Variants in MSRA observed in about 807,000 individuals in gnomAD.
MSRA encodes the protein methionine sulfoxide reductase A, also known as mitochondrial peptide methionine sulfoxide reductase.
Under a neutral mutation model 31.3 loss-of-function variants are expected in MSRA, and 54 were observed. The observed-to-expected ratio is 1.73, with a 90% CI of 1.39 to 2.17. The LOEUF (loss-of-function observed/expected upper bound fraction) is 2.17, where lower values mean the gene tolerates loss of function less well. Among genes scored for constraint, MSRA ranks in the 30% most tolerant of loss-of-function variants. The probability of loss-of-function intolerance (pLI) is 0.00; values close to 1 mark genes in which losing one functional copy is unlikely to be tolerated. For synonymous variants in MSRA, 169 were observed against 116.5 expected, an observed-to-expected ratio of 1.45 and a Z score of -2.90; for missense variants, 507 against 300.9, an observed-to-expected ratio of 1.69 and a Z score of -5.07.
intron 1 of MSRA, among the ~76,000 whole-genome samples, chr8:10,090,824 C>T (rs1225431301): frequency 2.0e-5 from 3 of 152,178 alleles, no homozygotes; most frequent in Admixed American, 6.5e-5. Context: ...ATTTAGCATA[C>T]TTTTTTCAAA....
chr8:10,288,601 A>C (rs984000316), intron 3 of MSRA, among the ~76,000 whole-genome samples: 10 of 152,202 alleles, frequency 6.6e-5, no homozygotes, highest in Non-Finnish European at 1.2e-4. Context: ...AGGCAAGGCC[A>C]AGACTTTCCT....
chr8:10,211,848 C>A (rs1206715871), intron 2 of MSRA, among the ~76,000 whole-genome samples: 1 of 152,094 alleles, frequency 6.6e-6, no homozygotes, highest in African/African-American at 2.4e-5. Context: ...CCAGCCTCTG[C>A]AGAAGTGCTT....
chr8:10,197,675 C>T (rs998461684), intron 1 of MSRA, among the ~76,000 whole-genome samples: 1 of 152,140 alleles, frequency 6.6e-6, no homozygotes, highest in Non-Finnish European at 1.5e-5. Flanking sequence ...GGTCTCTCTG[C>T]CAACGTCCAT....
chr8:10,365,579 T>TCCCCCA (rs1333702174), intron 5 of MSRA, among the ~76,000 whole-genome samples: 1 of 152,228 alleles, frequency 6.6e-6, no homozygotes, highest in African/African-American at 2.4e-5. Context: ...TACCTGATTC[T>TCCCCCA]CCCCCAAAAT....
intron 5 of MSRA, among the ~76,000 whole-genome samples, chr8:10,413,819 G>A (rs1219608863): frequency 4.6e-5 from 7 of 152,126 alleles, no homozygotes; most frequent in Admixed American, 3.3e-4. Flanking sequence ...GGGGAAAAAC[G>A]GTGATGGTTA....
At chr8:10,077,278 C>T (rs1251306236) in intron 1 of MSRA, among the ~76,000 whole-genome samples, 2 of 152,000 alleles carry the variant, frequency 1.3e-5, no homozygotes, top group African/African-American at 4.8e-5. Flanking sequence ...AGTGTGGAGA[C>T]CTGCAGATCC....
intron 2 of MSRA, among the ~76,000 whole-genome samples, chr8:10,219,775 C>G (rs938179723): frequency 5.1e-5 from 6 of 118,572 alleles, no homozygotes; most frequent in Non-Finnish European, 9.4e-5. Flanking sequence ...CACTGCACTT[C>G]AGCCTGGACG....
chr8:10,058,732 C>G (rs890778995), intron 1 of MSRA, among the ~76,000 whole-genome samples: 3 of 152,194 alleles, frequency 2.0e-5, no homozygotes, highest in South Asian at 2.1e-4. Flanking sequence ...TGAGAACAGC[C>G]TAGTACCTTT....
At chr8:10,336,030 C>T (rs1265631496) in intron 5 of MSRA, among the ~76,000 whole-genome samples, 2 of 152,216 alleles carry the variant, frequency 1.3e-5, no homozygotes, top group African/African-American at 2.4e-5. Flanking sequence ...ATGTCACACC[C>T]TCACAGATTT....
intron 2 of MSRA, among the ~76,000 whole-genome samples, chr8:10,240,978 G>T (rs2952233): frequency 5.3e-5 from 8 of 152,060 alleles, no homozygotes; most frequent in Non-Finnish European, 1.2e-4. Context: ...TATTCGTGCA[G>T]CTCACGCGTG....
At chr8:10,234,373 G>C (rs1811760932) in intron 2 of MSRA, among the ~76,000 whole-genome samples, 3 of 152,124 alleles carry the variant, frequency 2.0e-5, no homozygotes, top group African/African-American at 7.2e-5. Flanking sequence ...GAGAAGGTTA[G>C]AAATACTAAC....
intron 5 of MSRA, among the ~76,000 whole-genome samples, chr8:10,371,794 T>C (rs918994374): frequency 6.6e-6 from 1 of 152,224 alleles, no homozygotes; most frequent in Non-Finnish European, 1.5e-5. Context: ...GGAAGGACTG[T>C]GGCGCATCCA....
chr8:10,209,483 A>C (rs1310991515), intron 2 of MSRA, among the ~76,000 whole-genome samples: 2 of 152,188 alleles, frequency 1.3e-5, no homozygotes, highest in African/African-American at 4.8e-5. Context: ...CAGAATTCGA[A>C]ATAACAGGGA....
At chr8:10,086,783 G>A (rs1798577744) in intron 1 of MSRA, among the ~76,000 whole-genome samples, 1 of 151,598 alleles carries the variant, frequency 6.6e-6, no homozygotes, top group South Asian at 2.1e-4. Flanking sequence ...TAATGACTAT[G>A]TATATACTAG....
intron 1 of MSRA, among the ~76,000 whole-genome samples, chr8:10,130,481 G>T (rs1291544256): frequency 6.6e-6 from 1 of 152,144 alleles, no homozygotes; most frequent in Non-Finnish European, 1.5e-5. Flanking sequence ...TGTTGGTGTG[G>T]ATGAAATAAG....
At chr8:10,367,396 A>G (rs1044994698) in intron 5 of MSRA, among the ~76,000 whole-genome samples, 1 of 152,222 alleles carries the variant, frequency 6.6e-6, no homozygotes, top group Non-Finnish European at 1.5e-5. Flanking sequence ...GTAGGTATGT[A>G]TACGAAAAAA....
At chr8:10,293,441 A>T (rs1370947479) in intron 3 of MSRA, among the ~76,000 whole-genome samples, 1 of 152,148 alleles carries the variant, frequency 6.6e-6, no homozygotes, top group East Asian at 1.9e-4. Context: ...TATGCGTGTG[A>T]CTGCTCAGGC....
At chr8:10,248,050 C>G (rs1440029899) in intron 3 of MSRA, among the ~76,000 whole-genome samples, 1 of 152,134 alleles carries the variant, frequency 6.6e-6, no homozygotes, top group Non-Finnish European at 1.5e-5. Flanking sequence ...CTGAACAAGT[C>G]AGCCCTGGAG....
intron 3 of MSRA, among the ~76,000 whole-genome samples, chr8:10,259,068 C>G (rs1262642465): frequency 1.3e-5 from 2 of 150,462 alleles, no homozygotes; most frequent in African/African-American, 4.9e-5. Flanking sequence ...GATCTTGCCA[C>G]TGCACTCCAG....
Sources: allele counts gnomAD v4.1 joint callset (sites outside exome capture counted in the v4.1 genomes callset), GRCh38; gene constraint gnomAD v4.1.1; transcripts MANE v1.5; gene names NCBI Gene and HGNC (gene_info 2026-07-23, HGNC 2026-07-21).